Variants in FSTL1 observed in about 807,000 individuals in gnomAD.
FSTL1 encodes the protein follistatin like 1, also known as follistatin-related protein 1.
Under a neutral mutation model 45.9 loss-of-function variants are expected in FSTL1, and 24 were observed. The ratio of observed to expected loss-of-function variants is 0.52; its 90% CI spans 0.38 to 0.74. The LOEUF is 0.74. Among genes scored for constraint, FSTL1 ranks in the 30% least tolerant of loss-of-function variants. The pLI, the probability that FSTL1 is intolerant of heterozygous loss-of-function variation, is 0.00. For synonymous variants in FSTL1, 120 were observed against 137.6 expected (o/e 0.87, Z 0.89); for missense variants, 340 against 381.8 (o/e 0.89, Z 0.91).
At chr3:120,441,819 T>C (rs1937631507) in intron 2 of FSTL1, among the ~76,000 whole-genome samples, 1 of 152,194 alleles carries the variant, frequency 6.6e-6, no homozygotes, top group Non-Finnish European at 1.5e-5. Context: ...AACCAACCTA[T>C]GGGGTAGATA....
chr3:120,443,552 A>G (rs532656765), intron 2 of FSTL1, among the ~76,000 whole-genome samples: 2 of 149,992 alleles, frequency 1.3e-5, no homozygotes, highest in South Asian at 2.1e-4. Context: ...GAAACAACAA[A>G]AAGTATAGAA....
intron 2 of FSTL1, among the ~76,000 whole-genome samples, chr3:120,450,113 G>T (rs1286419415): frequency 6.6e-6 from 1 of 151,976 alleles, no homozygotes; most frequent in Non-Finnish European, 1.5e-5. Flanking sequence ...TTACACTTGC[G>T]CAACGTTACA....
chr3:120,413,666 G>A lies in FSTL1; in HGVS notation c.169-1683C>T, dbSNP rs143756742. On this transcript the variant is annotated intron_variant, in intron 3 of 10. Coordinates refer to ENST00000295633, the MANE Select transcript of FSTL1 (RefSeq NM_007085.5). ...CTATGGGTTGTTTTGACAGAAAACA[G>A]AATGTCCAAGGTATTTATGTTCACT... Among the ~76,000 whole-genome samples the A allele has an allele frequency of 4.9e-4, 75 of 152,026 alleles. 2 individuals carry two copies. The Middle Eastern group carries it at 0.02, about 41-fold the overall frequency.
chr3:120,415,013 A>G (rs1172224180), intron 3 of FSTL1, among the ~76,000 whole-genome samples: 1 of 151,552 alleles, frequency 6.6e-6, no homozygotes, highest in African/African-American at 2.4e-5. Flanking sequence ...TAAAAAAAAA[A>G]GAAAGAAAAA....
chr3:120,412,834 GCGCGCACACACACA>G (rs1370397893), intron 3 of FSTL1, among the ~76,000 whole-genome samples: 3 of 77,514 alleles, frequency 3.9e-5, no homozygotes, highest in South Asian at 4.3e-4. Flanking sequence ...GCGCGCGCGC[GCGCGCACACACACA>G]CACACACACA....
At chr3:120,424,501 A>C (rs1368568091) in intron 2 of FSTL1, among the ~76,000 whole-genome samples, 1 of 152,190 alleles carries the variant, frequency 6.6e-6, no homozygotes, top group African/African-American at 2.4e-5. Flanking sequence ...ATGTGGATGG[A>C]AAATCTATAG....
intron 2 of FSTL1, among the ~76,000 whole-genome samples, chr3:120,449,744 A>G (rs1031954570): frequency 6.6e-6 from 1 of 152,184 alleles, no homozygotes; most frequent in African/African-American, 2.4e-5. Context: ...AATATGAAGG[A>G]AAAAATTCAA....
chr3:120,411,085 T>G lies in FSTL1; in HGVS notation c.299-101A>C, dbSNP rs781090796. ...AGCTGCTCTACATGTAGGGGAATGTTTGTAACCTTTTCATCATTTTGTCTT... is the reference window on the plus strand; with the variant it reads ...AGCTGCTCTACATGTAGGGGAATGTGTGTAACCTTTTCATCATTTTGTCTT... On this transcript the variant is annotated intron_variant, in intron 4 of 10. Coordinates refer to ENST00000295633, the MANE Select transcript of FSTL1 (RefSeq NM_007085.5). 2.5e-5 allele frequency: 19 copies of G among 767,288 alleles called. No individual in the cohort carries two copies. The Admixed American group carries it at 3.6e-4, about 15-fold the overall frequency. The allele number at this position is 767,288 out of a possible 1,614,324, so 47.5% of individuals were successfully genotyped here.
At chr3:120,412,005 A>G (rs1937063546) in intron 3 of FSTL1, 22 bp from the exon 4 acceptor site, 1 of 1,601,068 alleles carries the variant, frequency 6.2e-7, no homozygotes, top group South Asian at 1.1e-5. Flanking sequence ...CCAAAAGAGA[A>G]TGTTTGTGCA....
At chr3:120,436,297 A>G (rs561043476) in intron 2 of FSTL1, among the ~76,000 whole-genome samples, 1 of 152,262 alleles carries the variant, frequency 6.6e-6, no homozygotes, top group East Asian at 1.9e-4. Flanking sequence ...TGAGTACTGA[A>G]ATTATTATAC....
intron 2 of FSTL1, among the ~76,000 whole-genome samples, chr3:120,443,608 T>C (rs745805510): frequency 6.7e-6 from 1 of 149,808 alleles, no homozygotes; most frequent in Non-Finnish European, 1.5e-5. Context: ...CAATATCCCA[T>C]GACACACACA....
intron 6 of FSTL1, among the ~76,000 whole-genome samples, chr3:120,407,658 T>A (rs1322527269): frequency 5.3e-5 from 8 of 152,222 alleles, no homozygotes; most frequent in African/African-American, 1.9e-4. Context: ...AGGCAGCTGC[T>A]GACCTAGGAG....
chr3:120,392,730 AGTT>A lies in FSTL1; in HGVS notation c.*4219_*4221del, dbSNP rs1384574025. ...ACAGCCCCCAGCAGCAGTAGGCCAG[AGTT>A]GTTTTCATGTCCCATATCCCAGCTA... On this transcript the variant is annotated 3_prime_UTR_variant, in exon 11 of 11. Transcript: ENST00000295633. 6.6e-6 allele frequency: 1 copy of A among 152,206 alleles called. No individual in the cohort carries two copies. The highest frequency in any genetic ancestry group is 2.4e-5 in the African/African-American group (1 of 41,440). 9.4% of individuals were successfully genotyped at this position (152,206 alleles called of 1,614,324 possible). A position where few individuals can be genotyped will look rare whatever the true frequency, so the allele number is the denominator to read the frequency against.
chr3:120,424,926 A>G (rs888254701), intron 2 of FSTL1, among the ~76,000 whole-genome samples: 1 of 152,104 alleles, frequency 6.6e-6, no homozygotes, highest in Non-Finnish European at 1.5e-5. Context: ...CTAAAGATGC[A>G]TATCTGGGCG....
intron 9 of FSTL1, among the ~76,000 whole-genome samples, 165 bp downstream of exon 9, chr3:120,402,642 CA>C (rs1936848717): frequency 6.6e-6 from 1 of 152,080 alleles, no homozygotes; most frequent in South Asian, 2.1e-4. Context: ...GTTCTGCCCT[CA>C]AAGCTCCCCA....
intron 2 of FSTL1, among the ~76,000 whole-genome samples, chr3:120,441,845 G>A (rs774497867): frequency 1.1e-4 from 16 of 152,326 alleles, no homozygotes; most frequent in South Asian, 2.1e-4. Flanking sequence ...GATTAAGCCC[G>A]TTTTAGAGAT....
chr3:120,392,692 G>A lies in FSTL1; in HGVS notation c.*4260C>T, dbSNP rs1007817112. 3 of 152,168 alleles carry A rather than the reference G, an allele frequency of 2.0e-5. No homozygotes were observed. The highest frequency in any genetic ancestry group is 2.9e-5 in the Non-Finnish European group (2 of 68,034). The allele number at this position is 152,168 out of a possible 1,614,324, so 9.4% of individuals were successfully genotyped here. ...CATACAGCAACATTTTACTTCCTAT[G>A]TCACACCATGCAACAGCCCCCAGCA... On this transcript the variant is annotated 3_prime_UTR_variant, in exon 11 of 11. Coordinates refer to ENST00000295633, the MANE Select transcript of FSTL1 (RefSeq NM_007085.5).
intron 7 of FSTL1, 75 bp downstream of exon 7, chr3:120,404,778 G>A (rs1044699080): frequency 2.2e-5 from 18 of 804,824 alleles, no homozygotes; most frequent in African/African-American, 5.1e-5. Context: ...TTTTGCAGGT[G>A]GGAAAGGGTT....
At chr3:120,434,249 A>C (rs928688932) in intron 2 of FSTL1, among the ~76,000 whole-genome samples, 1 of 152,206 alleles carries the variant, frequency 6.6e-6, no homozygotes, top group African/African-American at 2.4e-5. Context: ...GAACAGAGAA[A>C]GTGAAAAATA....
Sources: gnomAD v4.1 joint callset for allele counts (sites outside exome capture counted in the v4.1 genomes callset) on GRCh38, gnomAD v4.1.1 for gene constraint, MANE v1.5 for transcripts, NCBI Gene and HGNC (gene_info 2026-07-23, HGNC 2026-07-21) for gene names.